The following PAN3 variants were observed in gnomAD, a reference collection of about 807,000 sequenced individuals.
The protein encoded by PAN3 is PAN2-PAN3 deadenylation complex subunit PAN3.
In PAN3, 19 loss-of-function variants were observed where a neutral mutation model predicts 96.2. The ratio of observed to expected loss-of-function variants is 0.20; its 90% CI spans 0.14 to 0.29. The LOEUF (loss-of-function observed/expected upper bound fraction) is 0.29, where lower values mean the gene tolerates loss of function less well. Ranked by LOEUF, PAN3 falls within the 10% of genes least tolerant of loss-of-function variation. The pLI, the probability that PAN3 is intolerant of heterozygous loss-of-function variation, is 1.00. For synonymous variants in PAN3, 433 were observed against 406.6 expected (o/e 1.06, Z -0.78); for missense variants, 882 against 1,108.1 (o/e 0.80, Z 2.90).
intron 2 of PAN3, among the ~76,000 whole-genome samples, chr13:28,174,643 CT>C (rs1488033969): frequency 6.6e-6 from 1 of 152,070 alleles, no homozygotes; most frequent in African/African-American, 2.4e-5. Context: ...ACTAATTTCA[CT>C]TGTGTATTTT....
intron 6 of PAN3, among the ~76,000 whole-genome samples, chr13:28,221,121 A>C (rs188147855): frequency 4.6e-5 from 7 of 152,250 alleles, no homozygotes; most frequent in Admixed American, 3.9e-4. Context: ...CTGCTACTCC[A>C]TAATGTTTAT....
chr13:28,226,767 A>G (rs1238729799), intron 6 of PAN3, among the ~76,000 whole-genome samples: 1 of 152,254 alleles, frequency 6.6e-6, no homozygotes, highest in Non-Finnish European at 1.5e-5. Context: ...CATCAAAACT[A>G]GACACTGTGT....
Position 28,292,434 on chromosome 13 carries a change from G to C in PAN3, c.2576G>C (p.Ser859Thr), listed in dbSNP as rs770595442. ...AGCCTGATTTCCAGAGATGAGAAGA[G>C]TGTACTTGTGGTGACCTACAGTGAC... ...KISLISRDEK[S>T]VLVVTYSDLK... Residue 859 changes from serine (S) to threonine (T), a missense_variant, in exon 19 of 19, where the codon AGT (serine) becomes ACT (threonine). Transcript: ENST00000380958. 1.2e-6 allele frequency: 2 copies of C among 1,611,966 alleles called. No homozygotes were observed. Among genetic ancestry groups the C allele is most frequent in the South Asian group, 1.1e-5 (1 of 90,598 alleles).
intron 14 of PAN3, among the ~76,000 whole-genome samples, chr13:28,275,939 CTTTTAAATGTTAT>C (rs1405843619): frequency 6.6e-6 from 1 of 152,110 alleles, no homozygotes; most frequent in African/African-American, 2.4e-5. Context: ...TTAGTATGAA[CTTTTAAATGTTAT>C]TTTAGTAATG....
intron 1 of PAN3, among the ~76,000 whole-genome samples, chr13:28,166,674 T>C (rs1243244111): frequency 1.3e-5 from 2 of 152,220 alleles, no homozygotes; most frequent in African/African-American, 4.8e-5. Context: ...TTCTGAGGAA[T>C]CCTTTGAAAT....
In PAN3 at chr13:28,220,189, G is replaced by A. The variant is rs200907304; in HGVS notation, c.853-42G>A. Reference sequence around the variant, plus strand: ...CCTAGTAGATTCAATGTCTTTTTTCGGCTTAAAGTGTGTTAACTTACTATA... The same window carrying A: ...CCTAGTAGATTCAATGTCTTTTTTCAGCTTAAAGTGTGTTAACTTACTATA... On this transcript the variant is annotated intron_variant, in intron 5 of 18. Transcript: ENST00000380958. 162 of 1,562,446 alleles carry A rather than the reference G, an allele frequency of 1.0e-4. 1 individual carries two copies. The highest frequency in any genetic ancestry group is 3.6e-5 in the Admixed American group (2 of 55,372).
intron 7 of PAN3, 121 bp from the exon 8 acceptor site, chr13:28,260,326 A>C: frequency 4.6e-6 from 3 of 645,898 alleles, no homozygotes; most frequent in Non-Finnish European, 5.4e-6. Flanking sequence ...CCCGGGAGGC[A>C]GAGCTTGTAG....
At chr13:28,140,570 C>G (rs891094486) in intron 1 of PAN3, among the ~76,000 whole-genome samples, 3 of 152,056 alleles carry the variant, frequency 2.0e-5, no homozygotes, top group Non-Finnish European at 4.4e-5. Flanking sequence ...TCTTTCGAGA[C>G]GGGATCTTCC....
intron 6 of PAN3, among the ~76,000 whole-genome samples, chr13:28,235,682 T>TACACACACACATACACACAC (rs1555285728): frequency 1.6e-5 from 2 of 123,400 alleles, no homozygotes; most frequent in African/African-American, 7.0e-5. Context: ...TTCTCTAATA[T>TACACACACACATACACACAC]ACACACACAC....
intron 6 of PAN3, among the ~76,000 whole-genome samples, chr13:28,251,330 T>A (rs955202104): frequency 6.6e-6 from 1 of 152,244 alleles, no homozygotes; most frequent in Non-Finnish European, 1.5e-5. Flanking sequence ...CTCGTTCTTA[T>A]GAGTTCTTTT....
chr13:28,255,518 A>G (rs1443067019), intron 6 of PAN3, among the ~76,000 whole-genome samples: 1 of 152,104 alleles, frequency 6.6e-6, no homozygotes, highest in Non-Finnish European at 1.5e-5. Flanking sequence ...ATAAACTCAT[A>G]ATAGAGGGCG....
rs117755023 is a variant in PAN3, at chr13:28,203,704, G to A, written c.852+6358G>A. Among the ~76,000 whole-genome samples, 206 of 152,154 alleles carry A rather than the reference G, an allele frequency of 1.4e-3. 3 individuals are homozygous for A. In the Middle Eastern group the frequency reaches 0.02, roughly 15 times the overall value. On this transcript the variant is annotated intron_variant, in intron 5 of 18. Transcript: ENST00000380958. ...CATCTTAAAGTTTAACATTATCCAA[G>A]TATTCTTGCTATTTTTTAATCTTTT...
At chr13:28,161,769 T>G (rs1259754860) in intron 1 of PAN3, among the ~76,000 whole-genome samples, 1 of 152,210 alleles carries the variant, frequency 6.6e-6, no homozygotes, top group Non-Finnish European at 1.5e-5. Context: ...TTTATAGTCA[T>G]TAATTGCTGT....
intron 6 of PAN3, among the ~76,000 whole-genome samples, chr13:28,225,763 T>C (rs1881932773): frequency 6.6e-6 from 1 of 152,258 alleles, no homozygotes; most frequent in Non-Finnish European, 1.5e-5. Context: ...AAAAAAAACT[T>C]TCCTATATGA....
At chr13:28,250,446 A>G (rs982293281) in intron 6 of PAN3, among the ~76,000 whole-genome samples, 1 of 151,930 alleles carries the variant, frequency 6.6e-6, no homozygotes, top group Non-Finnish European at 1.5e-5. Context: ...GCTCACTGCA[A>G]CCTCTGCCTC....
intron 6 of PAN3, among the ~76,000 whole-genome samples, chr13:28,220,694 C>A (rs1881308970): frequency 6.6e-6 from 1 of 152,134 alleles, no homozygotes; most frequent in Non-Finnish European, 1.5e-5. Flanking sequence ...CTGTTTCACT[C>A]AAACTTACAA....
chr13:28,207,529 T>C (rs1303171600), intron 5 of PAN3, among the ~76,000 whole-genome samples: 1 of 152,216 alleles, frequency 6.6e-6, no homozygotes, highest in Non-Finnish European at 1.5e-5. Context: ...GTAGCTACCA[T>C]GAAGAGTTCC....
chr13:28,230,805 AACAAC>A (rs1403654326), intron 6 of PAN3, among the ~76,000 whole-genome samples: 4 of 152,056 alleles, frequency 2.6e-5, no homozygotes, highest in African/African-American at 9.7e-5. Flanking sequence ...CTTGTTTGTA[AACAAC>A]ACAACACAAT....
At chr13:28,253,223 A>G (rs1182436784) in intron 6 of PAN3, among the ~76,000 whole-genome samples, 1 of 152,204 alleles carries the variant, frequency 6.6e-6, no homozygotes, top group Non-Finnish European at 1.5e-5. Context: ...ATTTGAGCAG[A>G]ATCTGCTCAT....
Sources: allele counts gnomAD v4.1 joint callset (sites outside exome capture counted in the v4.1 genomes callset), GRCh38; gene constraint gnomAD v4.1.1; transcripts MANE v1.5; gene names NCBI Gene and HGNC (gene_info 2026-07-23, HGNC 2026-07-21).